The following MIR2052HG variants were observed in gnomAD, a reference collection of about 807,000 sequenced individuals.
MIR2052HG encodes MIR2052 host gene.
intron 2 of MIR2052HG, among the ~76,000 whole-genome samples, chr8:74,664,053 G>A (rs1808894008): frequency 6.6e-6 from 1 of 152,150 alleles, no homozygotes; most frequent in Non-Finnish European, 1.5e-5. Context: ...GTTCTCACTT[G>A]TAAGTGGGAG....
At chr8:74,664,855 C>T (rs919021029) in intron 2 of MIR2052HG, among the ~76,000 whole-genome samples, 3 of 152,162 alleles carry the variant, frequency 2.0e-5, no homozygotes, top group Admixed American at 6.6e-5. Context: ...ACTCCAACAA[C>T]TTCCTGGACT....
intron 2 of MIR2052HG, among the ~76,000 whole-genome samples, chr8:74,662,798 G>A (rs574866357): frequency 6.6e-6 from 1 of 151,696 alleles, no homozygotes; most frequent in Admixed American, 6.6e-5. Context: ...TGGTTCCTAA[G>A]CAGTTGGTGT....
At chr8:74,609,562 C>G (rs1808161648) in intron 1 of MIR2052HG, 1 of 151,556 alleles carries the variant, frequency 6.6e-6, no homozygotes, top group Admixed American at 6.6e-5. Context: ...TTTAATTGAT[C>G]AAAGTTAACA....
intron 2 of MIR2052HG, among the ~76,000 whole-genome samples, chr8:74,626,789 C>A (rs1032086576): frequency 6.6e-6 from 1 of 152,208 alleles, no homozygotes; most frequent in African/African-American, 2.4e-5. Flanking sequence ...TACATTGTAA[C>A]TCTGCATGCT....
At chr8:74,636,826 G>C (rs1212793317) in intron 2 of MIR2052HG, among the ~76,000 whole-genome samples, 1 of 151,972 alleles carries the variant, frequency 6.6e-6, no homozygotes, top group African/African-American at 2.4e-5. Context: ...ATACTCTATG[G>C]CACCACTTTT....
At chr8:74,670,807 G>A (rs370924663) in intron 2 of MIR2052HG, among the ~76,000 whole-genome samples, 11 of 152,202 alleles carry the variant, frequency 7.2e-5, no homozygotes, top group African/African-American at 1.9e-4. Flanking sequence ...AAATCCTTTC[G>A]TGGCTTTAGT....
At chr8:74,747,884 C>G (rs1206303771) in intron 4 of MIR2052HG, among the ~76,000 whole-genome samples, 1 of 152,118 alleles carries the variant, frequency 6.6e-6, no homozygotes, top group Non-Finnish European at 1.5e-5. Context: ...ATTCATTCCC[C>G]CTAGAAAATT....
intron 1 of MIR2052HG, among the ~76,000 whole-genome samples, chr8:74,608,449 T>C (rs982048338): frequency 6.6e-6 from 1 of 152,208 alleles, no homozygotes; most frequent in South Asian, 2.1e-4. Context: ...GTCTTAACAC[T>C]ATCAATCAGG....
At chr8:74,636,564 T>C (rs1399717946) in intron 2 of MIR2052HG, among the ~76,000 whole-genome samples, 1 of 152,186 alleles carries the variant, frequency 6.6e-6, no homozygotes, top group African/African-American at 2.4e-5. Context: ...TTCAGAATAC[T>C]TTATGATATT....
intron 2 of MIR2052HG, among the ~76,000 whole-genome samples, chr8:74,623,466 G>A (rs1207112655): frequency 3.3e-5 from 5 of 152,140 alleles, no homozygotes; most frequent in African/African-American, 1.2e-4. Flanking sequence ...AGGAGACTGA[G>A]CAGATAGGCA....
intron 4 of MIR2052HG, among the ~76,000 whole-genome samples, chr8:74,708,463 A>G (rs1809432922): frequency 6.6e-6 from 1 of 152,092 alleles, no homozygotes; most frequent in South Asian, 2.1e-4. Flanking sequence ...TGGGGCTTCT[A>G]AAAGAAGAGA....
intron 2 of MIR2052HG, among the ~76,000 whole-genome samples, chr8:74,616,231 A>G (rs1808280137): frequency 6.6e-6 from 1 of 151,790 alleles, no homozygotes; most frequent in Admixed American, 6.6e-5. Flanking sequence ...TCCCACTAAC[A>G]GTGTAAAAGT....
intron 4 of MIR2052HG, among the ~76,000 whole-genome samples, chr8:74,750,270 G>A (rs1809930670): frequency 6.6e-6 from 1 of 152,114 alleles, no homozygotes. Flanking sequence ...TCAAGACCAT[G>A]GTTAGAATAT....
chr8:74,716,375 A>G (rs1586921985), intron 4 of MIR2052HG, among the ~76,000 whole-genome samples: 1 of 152,276 alleles, frequency 6.6e-6, no homozygotes, highest in Non-Finnish European at 1.5e-5. Context: ...GCTCTAGGGT[A>G]TGTCTACAGC....
intron 2 of MIR2052HG, among the ~76,000 whole-genome samples, chr8:74,619,259 T>TA (rs35166261): frequency 1.3e-5 from 2 of 151,470 alleles, no homozygotes; most frequent in African/African-American, 4.9e-5. Flanking sequence ...TTTAAAGAAA[T>TA]AAAAAAAAAT....
At chr8:74,749,604 A>G (rs1738684717) in intron 4 of MIR2052HG, among the ~76,000 whole-genome samples, 1 of 152,104 alleles carries the variant, frequency 6.6e-6, no homozygotes, top group African/African-American at 2.4e-5. Context: ...TAATCCCAGC[A>G]CTTTGGGAGG....
intron 4 of MIR2052HG, among the ~76,000 whole-genome samples, chr8:74,748,178 T>A (rs1047952355): frequency 6.6e-6 from 1 of 152,200 alleles, no homozygotes; most frequent in Non-Finnish European, 1.5e-5. Flanking sequence ...AAGCCAAAAT[T>A]CAAAGGCAGA....
intron 2 of MIR2052HG, among the ~76,000 whole-genome samples, chr8:74,667,382 G>A (rs982960401): frequency 6.6e-6 from 1 of 152,068 alleles, no homozygotes; most frequent in African/African-American, 2.4e-5. Context: ...AGACAAATTA[G>A]CATAAAAACA....
intron 6 of MIR2052HG, chr8:74,758,234 A>C (rs1220040831): frequency 6.6e-6 from 1 of 152,068 alleles, no homozygotes; most frequent in Non-Finnish European, 1.5e-5. Context: ...CTAATATCTT[A>C]AAATTTCATG....
Sources: gnomAD v4.1 joint callset for allele counts (sites outside exome capture counted in the v4.1 genomes callset) on GRCh38, gnomAD v4.1.1 for gene constraint, MANE v1.5 for transcripts, NCBI Gene and HGNC (gene_info 2026-07-23, HGNC 2026-07-21) for gene names.